Variants in CRPPA observed in about 807,000 individuals in gnomAD.
CRPPA encodes D-ribitol-5-phosphate cytidylyltransferase.
In CRPPA, 43 loss-of-function variants were observed where a neutral mutation model predicts 52.0. That is an observed-to-expected ratio of 0.83 (90% CI 0.65 to 1.07). The LOEUF (loss-of-function observed/expected upper bound fraction) is 1.07. Among genes scored for constraint, CRPPA ranks in the 50% least tolerant of loss-of-function variants. The probability of loss-of-function intolerance (pLI) is 0.00; values close to 1 mark genes in which losing one functional copy is unlikely to be tolerated. For missense variants in CRPPA, 629 were observed against 551.7 expected (o/e 1.14, Z -1.40); for synonymous variants, 250 against 203.5 (o/e 1.23, Z -1.94).
intron 8 of CRPPA, among the ~76,000 whole-genome samples, chr7:16,219,864 AC>A (rs993839807): frequency 6.6e-6 from 1 of 150,882 alleles, no homozygotes; most frequent in African/African-American, 2.4e-5. Flanking sequence ...TATCAGAGGT[AC>A]AAGGAGGAAC....
intron 1 of CRPPA, among the ~76,000 whole-genome samples, chr7:16,407,059 T>G (rs1398890586): frequency 2.0e-5 from 3 of 152,168 alleles, no homozygotes; most frequent in African/African-American, 7.2e-5. Context: ...CACTGCAACC[T>G]CTGCCTCCTG....
At chr7:16,357,499 GA>G (rs1004353829) in intron 3 of CRPPA, among the ~76,000 whole-genome samples, 3 of 152,208 alleles carry the variant, frequency 2.0e-5, no homozygotes, top group Admixed American at 6.5e-5. Flanking sequence ...TGATTTTATA[GA>G]TGTGTGCAGC....
chr7:16,301,875 G>A (rs897929228), intron 4 of CRPPA, among the ~76,000 whole-genome samples: 1 of 152,136 alleles, frequency 6.6e-6, no homozygotes, highest in Non-Finnish European at 1.5e-5. Context: ...AAATAATTCT[G>A]AAAGGTCAAT....
intron 3 of CRPPA, among the ~76,000 whole-genome samples, chr7:16,336,893 G>T (rs149209594): frequency 1.5e-4 from 23 of 151,904 alleles, no homozygotes; most frequent in Non-Finnish European, 2.8e-4. Context: ...GACAAAGAAG[G>T]TCATTCTATA....
chr7:16,409,888 T>C (rs1055006611), intron 1 of CRPPA, among the ~76,000 whole-genome samples: 2 of 152,220 alleles, frequency 1.3e-5, no homozygotes, highest in South Asian at 2.1e-4. Context: ...ATGTCTGTTT[T>C]GTCCATTGCC....
chr7:16,185,017 T>C (rs1158874175), intron 9 of CRPPA, among the ~76,000 whole-genome samples: 1 of 152,198 alleles, frequency 6.6e-6, no homozygotes, highest in Non-Finnish European at 1.5e-5. Flanking sequence ...GTAAACTAAG[T>C]GGTTCTAGGT....
chr7:16,368,717 T>C (rs1372970601), intron 3 of CRPPA, among the ~76,000 whole-genome samples: 1 of 152,208 alleles, frequency 6.6e-6, no homozygotes, highest in Non-Finnish European at 1.5e-5. Context: ...TTAAAGCTTC[T>C]ATTAATAAAT....
At chr7:16,193,774 C>T (rs1266192165) in intron 9 of CRPPA, among the ~76,000 whole-genome samples, 3 of 151,930 alleles carry the variant, frequency 2.0e-5, no homozygotes, top group East Asian at 3.9e-4. Context: ...TTTGCTGAAG[C>T]GGGACAAAAA....
intron 9 of CRPPA, among the ~76,000 whole-genome samples, chr7:16,117,838 C>T (rs903976830): frequency 6.6e-6 from 1 of 152,170 alleles, no homozygotes; most frequent in Non-Finnish European, 1.5e-5. Context: ...TTCCAGAGTC[C>T]TCAGCCTTGC....
chr7:16,390,541 C>T (rs551248865), intron 2 of CRPPA, among the ~76,000 whole-genome samples: 2 of 152,276 alleles, frequency 1.3e-5, no homozygotes, highest in East Asian at 3.9e-4. Flanking sequence ...TCATTCTCAA[C>T]CACACCCTCT....
Position 16,293,756 on chromosome 7 carries a change from G to T in CRPPA, c.835+7665C>A, listed in dbSNP as rs574153419. The stretch of plus-strand genomic sequence containing the variant: ...ACTGGAGGACAATGGCACATAGGCA[G>T]ATTTTTAAAAGACACTTAATATTAT... On this transcript the variant is annotated intron_variant, in intron 5 of 9. Coordinates refer to ENST00000407010, the MANE Select transcript of CRPPA (RefSeq NM_001101426.4). 7.9e-5 allele frequency among the ~76,000 whole-genome samples: 12 copies of T among 152,080 alleles called. No individual in the cohort carries two copies. The South Asian group carries it at 8.3e-4, about 11-fold the overall frequency.
At chr7:16,375,948 A>C in intron 3 of CRPPA, 144 bp downstream of exon 3, 1 of 743,072 alleles carries the variant, frequency 1.3e-6, no homozygotes, top group Non-Finnish European at 2.0e-6. Flanking sequence ...CCAGCTCTAT[A>C]ACCTTAATAC....
At chr7:16,193,225 C>T (rs369777290) in intron 9 of CRPPA, among the ~76,000 whole-genome samples, 2 of 152,194 alleles carry the variant, frequency 1.3e-5, no homozygotes, top group Middle Eastern at 3.4e-3. Context: ...GTATTTCATA[C>T]TTTTAAGTAT....
At chr7:16,378,608 T>G (rs1786975221) in intron 2 of CRPPA, among the ~76,000 whole-genome samples, 2 of 151,978 alleles carry the variant, frequency 1.3e-5, no homozygotes, top group African/African-American at 4.8e-5. Flanking sequence ...TGATTTATAG[T>G]CCTTTGGGTA....
At chr7:16,412,026 A>T (rs1788086770) in intron 1 of CRPPA, among the ~76,000 whole-genome samples, 1 of 152,354 alleles carries the variant, frequency 6.6e-6, no homozygotes, top group East Asian at 1.9e-4. Context: ...TCATTCAAGT[A>T]TCTATTCAAT....
intron 9 of CRPPA, among the ~76,000 whole-genome samples, chr7:16,146,842 A>G (rs1389408599): frequency 6.6e-6 from 1 of 152,214 alleles, no homozygotes; most frequent in African/African-American, 2.4e-5. Flanking sequence ...CAAGTCAGGG[A>G]GAGAGGAACA....
chr7:16,168,348 T>C (rs1344358796), intron 9 of CRPPA, among the ~76,000 whole-genome samples: 2 of 152,136 alleles, frequency 1.3e-5, no homozygotes, highest in Non-Finnish European at 2.9e-5. Context: ...ATATAAGGAA[T>C]ATGACATATC....
chr7:16,350,277 A>G (rs1328906773), intron 3 of CRPPA, among the ~76,000 whole-genome samples: 1 of 152,156 alleles, frequency 6.6e-6, no homozygotes, highest in African/African-American at 2.4e-5. Context: ...GAAGATGACA[A>G]TAATTGGTAA....
At chr7:16,161,620 A>AT (rs779579196) in intron 9 of CRPPA, among the ~76,000 whole-genome samples, 141 of 152,158 alleles carry the variant, frequency 9.3e-4, no homozygotes, top group Non-Finnish European at 1.6e-3. Flanking sequence ...ATCAATGTTC[A>AT]TCAGGGATAT....
Sources: gnomAD v4.1 joint callset for allele counts (sites outside exome capture counted in the v4.1 genomes callset) on GRCh38, gnomAD v4.1.1 for gene constraint, MANE v1.5 for transcripts, NCBI Gene and HGNC (gene_info 2026-07-23, HGNC 2026-07-21) for gene names.